Variants in ACTR3 observed in about 807,000 individuals in gnomAD.
ACTR3 encodes the protein actin-related protein 3.
A neutral mutation model predicts 56.8 loss-of-function variants in ACTR3; 12 were observed. The observed-to-expected ratio is 0.21, with a 90% CI of 0.14 to 0.34. The LOEUF (loss-of-function observed/expected upper bound fraction) is 0.34. Ranked by LOEUF, ACTR3 falls within the 10% of genes least tolerant of loss-of-function variation. The pLI, the probability that ACTR3 is intolerant of heterozygous loss-of-function variation, is 1.00. For synonymous variants in ACTR3, 162 were observed against 167.4 expected (o/e 0.97, Z 0.25); for missense variants, 282 against 512.5 (o/e 0.55, Z 4.34).
chr2:113,913,720 A>G (rs758137187), intron 2 of ACTR3, among the ~76,000 whole-genome samples: 3 of 152,206 alleles, frequency 2.0e-5, no homozygotes, highest in Non-Finnish European at 4.4e-5. Flanking sequence ...GCTGTTTTCT[A>G]ATATCCCATA....
intron 7 of ACTR3, among the ~76,000 whole-genome samples, chr2:113,941,273 A>G (rs1007758996): frequency 6.6e-6 from 1 of 152,252 alleles, no homozygotes; most frequent in Non-Finnish European, 1.5e-5. Flanking sequence ...CTGATTCAAC[A>G]TCTTTGGGAA....
At chr2:113,892,515 G>C (rs1678925237) in intron 1 of ACTR3, among the ~76,000 whole-genome samples, 1 of 152,112 alleles carries the variant, frequency 6.6e-6, no homozygotes, top group Admixed American at 6.5e-5. Flanking sequence ...GGTCTTACAA[G>C]TTTCCAGTGG....
At chr2:113,932,052 G>T (rs950713144) in intron 5 of ACTR3, among the ~76,000 whole-genome samples, 2 of 152,086 alleles carry the variant, frequency 1.3e-5, no homozygotes, top group African/African-American at 4.8e-5. Flanking sequence ...TAATTAAATG[G>T]TTAGCTGTGA....
chr2:113,889,937 C>G, upstream of ACTR3: 1 of 540,202 alleles, frequency 1.9e-6, no homozygotes. Flanking sequence ...CCTGGCCTGG[C>G]CGGGGCGTCG....
chr2:113,920,027 G>A (rs1228157948), intron 3 of ACTR3, among the ~76,000 whole-genome samples: 1 of 152,198 alleles, frequency 6.6e-6, no homozygotes, highest in Non-Finnish European at 1.5e-5. Context: ...GGGTTCAGGC[G>A]ATTCTCCTGC....
At chr2:113,897,535 T>A (rs1679031516) in intron 1 of ACTR3, among the ~76,000 whole-genome samples, 2 of 146,992 alleles carry the variant, frequency 1.4e-5, no homozygotes, top group South Asian at 2.2e-4. Flanking sequence ...TTTTTTTTTT[T>A]TTTTTTTTTG....
In ACTR3 at chr2:113,959,945, C is replaced by T. The variant is rs1337259250; in HGVS notation, c.*2490C>T. ...GGACAAATTATTTGAACTCTCTGGA[C>T]CTTGATTCAATTTATATATAAGGTA... On this transcript the variant is annotated 3_prime_UTR_variant, in exon 12 of 12. Transcript: ENST00000263238. The T allele has an allele frequency of 2.6e-5, 4 of 151,918 alleles. No individual in the cohort carries two copies. The highest frequency in any genetic ancestry group is 5.9e-5 in the Non-Finnish European group (4 of 67,872). The allele number at this position is 151,918 out of a possible 1,614,324, so 9.4% of individuals were successfully genotyped here. A position where few individuals can be genotyped will look rare whatever the true frequency, so the allele number is the denominator to read the frequency against.
At chr2:113,919,100 G>C (rs12464791) in intron 3 of ACTR3, among the ~76,000 whole-genome samples, 45,325 of 152,022 alleles carry the variant, frequency 0.3, 11,108 homozygotes, top group African/African-American at 0.67. Flanking sequence ...CCCTCAACCT[G>C]CAATTATTTT....
chr2:113,904,978 A>G (rs1679167311), intron 1 of ACTR3: 1 of 152,122 alleles, frequency 6.6e-6, no homozygotes, highest in African/African-American at 2.4e-5. Flanking sequence ...ATTTGTGTAG[A>G]TAATTTTTCT....
chr2:113,919,619 C>T (rs531780277), intron 3 of ACTR3, among the ~76,000 whole-genome samples: 2 of 151,846 alleles, frequency 1.3e-5, no homozygotes, highest in East Asian at 1.9e-4. Flanking sequence ...AGTAACAGGG[C>T]GTGATGAATG....
At chr2:113,927,557 T>A in intron 4 of ACTR3, 102 bp downstream of exon 4, 1 of 718,448 alleles carries the variant, frequency 1.4e-6, no homozygotes, top group Non-Finnish European at 2.3e-6. Flanking sequence ...TAAATTGTCA[T>A]ATGTCTAAAT....
rs541618524 is a variant in ACTR3, at chr2:113,924,260, A to G, written c.226-3085A>G. Reference sequence around the variant, plus strand: ...AATTAAAAATTTTTTTTTTTTTTGTAGAGACAGGGTCTCACTACGTTGCCT... The same window carrying G: ...AATTAAAAATTTTTTTTTTTTTTGTGGAGACAGGGTCTCACTACGTTGCCT... On this transcript the variant is annotated intron_variant, in intron 3 of 11. Coordinates refer to ENST00000263238, the MANE Select transcript of ACTR3 (RefSeq NM_005721.5). 8.1e-5 allele frequency among the ~76,000 whole-genome samples: 12 copies of G among 148,122 alleles called. No homozygotes were observed. The South Asian group carries it at 1.5e-3, about 18-fold the overall frequency.
At chr2:113,949,568 ATTAT>A (rs1457137128) in intron 8 of ACTR3, among the ~76,000 whole-genome samples, 1 of 151,756 alleles carries the variant, frequency 6.6e-6, no homozygotes, top group Non-Finnish European at 1.5e-5. Flanking sequence ...CTAGATTTTG[ATTAT>A]TTATTTAGAG....
intron 6 of ACTR3, among the ~76,000 whole-genome samples, chr2:113,938,713 C>T (rs1427899019): frequency 6.6e-6 from 1 of 152,170 alleles, no homozygotes; most frequent in Non-Finnish European, 1.5e-5. Flanking sequence ...ATGGTTTCCT[C>T]ACAGGAGTGT....
chr2:113,898,586 C>T (rs1256963485), intron 1 of ACTR3, among the ~76,000 whole-genome samples: 1 of 152,142 alleles, frequency 6.6e-6, no homozygotes, highest in Non-Finnish European at 1.5e-5. Context: ...CAGAGGCATA[C>T]TGTATGGCAC....
At chr2:113,915,650 C>T (rs558365413) in intron 2 of ACTR3, among the ~76,000 whole-genome samples, 123 of 152,240 alleles carry the variant, frequency 8.1e-4, no homozygotes, top group African/African-American at 2.6e-3. Context: ...TGGTTATATT[C>T]GTAAATGGCT....
At chr2:113,935,554 C>A (rs1679810731) in intron 6 of ACTR3, among the ~76,000 whole-genome samples, 1 of 152,066 alleles carries the variant, frequency 6.6e-6, no homozygotes, top group African/African-American at 2.4e-5. Flanking sequence ...CTTTTTATTG[C>A]CAAATAATAT....
intron 4 of ACTR3, among the ~76,000 whole-genome samples, chr2:113,928,946 G>A (rs35131331): frequency 0.047 from 7,145 of 152,162 alleles, 229 homozygotes; most frequent in Non-Finnish European, 0.071. Flanking sequence ...ATGTTTGAGT[G>A]TCAAATAATG....
Position 113,957,460 on chromosome 2 carries a change from G to A in ACTR3, c.*5G>A. 1 of 1,610,410 alleles carries A rather than the reference G, an allele frequency of 6.2e-7. No individual in the cohort carries two copies. Among genetic ancestry groups the A allele is most frequent in the Non-Finnish European group, 8.5e-7 (1 of 1,177,214 alleles). On this transcript the variant is annotated 3_prime_UTR_variant, in exon 12 of 12. Transcript: ENST00000263238. ...GTGTTTGGAGTCATGTCGTAAAATTGGCTTCATAGTTATTGGGGTTAGGGA... is the reference window on the plus strand; with the variant it reads ...GTGTTTGGAGTCATGTCGTAAAATTAGCTTCATAGTTATTGGGGTTAGGGA...
Sources: gnomAD v4.1 joint callset for allele counts (sites outside exome capture counted in the v4.1 genomes callset) on GRCh38, gnomAD v4.1.1 for gene constraint, MANE v1.5 for transcripts, NCBI Gene and HGNC (gene_info 2026-07-23, HGNC 2026-07-21) for gene names.